GLI2: variants seen among roughly 807,000 people sequenced by gnomAD.
GLI2 encodes the protein GLI family zinc finger 2.
In GLI2, 22 loss-of-function variants were observed where a neutral mutation model predicts 78.9. The ratio of observed to expected loss-of-function variants is 0.28; its 90% CI spans 0.20 to 0.40. The LOEUF (loss-of-function observed/expected upper bound fraction) is 0.40, where lower values mean the gene tolerates loss of function less well. Ranked by LOEUF, GLI2 falls within the 10% of genes least tolerant of loss-of-function variation. GLI2 has a pLI of 1.00. For synonymous variants in GLI2, 974 were observed against 963.7 expected (o/e 1.01, Z -0.20); for missense variants, 2,097 against 2,213.2 (o/e 0.95, Z 1.05).
At chr2:120,847,761 C>CT (rs1553456274) in intron 2 of GLI2, among the ~76,000 whole-genome samples, 8 of 103,802 alleles carry the variant, frequency 7.7e-5, no homozygotes, top group African/African-American at 2.5e-4. Context: ...GGGGCAGGGG[C>CT]GGGGGGGCGG....
intron 2 of GLI2, among the ~76,000 whole-genome samples, chr2:120,845,102 G>A (rs778721172): frequency 6.6e-5 from 10 of 151,994 alleles, no homozygotes; most frequent in South Asian, 4.2e-4. Context: ...GTAAAACCTC[G>A]TCTCTACTAA....
chr2:120,835,057 T>C (rs1686543229), intron 2 of GLI2, among the ~76,000 whole-genome samples: 1 of 152,158 alleles, frequency 6.6e-6, no homozygotes, highest in South Asian at 2.1e-4. Flanking sequence ...AATTGACTGG[T>C]TTTTGACAAA....
Position 120,800,488 on chromosome 2 carries a change from A to ATTATTT in GLI2, c.148+3022_148+3027dup, listed in dbSNP as rs1684649251. ...AAAGGGATGATTTATTATTATTATT[A>ATTATTT]TTATTTTATTTTTTATTTTTATTTA... On this transcript the variant is annotated intron_variant, in intron 2 of 13. Transcript: ENST00000361492. The surrounding 1 kb of genome is among the most constrained non-coding windows in gnomAD (Gnocchi z 4.1). Among the ~76,000 whole-genome samples, 1 of 150,670 alleles carries ATTATTT rather than the reference A, an allele frequency of 6.6e-6. No individual in the cohort carries two copies. Among genetic ancestry groups the ATTATTT allele is most frequent in the Admixed American group, 6.6e-5 (1 of 15,118 alleles).
At chr2:120,857,663 C>A (rs1687724092) in intron 2 of GLI2, among the ~76,000 whole-genome samples, 1 of 152,132 alleles carries the variant, frequency 6.6e-6, no homozygotes. Flanking sequence ...ATTCATCCAC[C>A]CACCAGGCCA....
rs771240808 is a variant in GLI2 at position 120,927,392 on chromosome 2, G to C, written c.180G>C (p.Ala60=). 1.2e-6 allele frequency: 2 copies of C among 1,613,632 alleles called. No homozygotes were observed. Among genetic ancestry groups the C allele is most frequent in the Non-Finnish European group, 1.7e-6 (2 of 1,179,760 alleles). ...VPQHLLPPFH[A]PLPIDMRHQE... ...AGCATCTCTTGCCACCATTCCATGC[G>C]CCCCTACCGATTGACATGCGACACC... Residue 60 remains alanine, a synonymous_variant, in exon 3 of 14, where the codon GCG becomes GCC. Transcript: ENST00000361492.
chr2:120,907,841 G>A (rs2104803100), intron 2 of GLI2, among the ~76,000 whole-genome samples: 1 of 152,350 alleles, frequency 6.6e-6, no homozygotes, highest in South Asian at 2.1e-4. Context: ...CGTGCCCGCA[G>A]GGGAACTTGC....
At chr2:120,798,319 G>A (rs765503727) in intron 2 of GLI2, among the ~76,000 whole-genome samples, 2 of 152,174 alleles carry the variant, frequency 1.3e-5, no homozygotes, top group African/African-American at 2.4e-5. Flanking sequence ...TTGTTTTGGT[G>A]GAGACCCCGA....
chr2:120,758,064 T>C (rs2104641171), intron 1 of GLI2, among the ~76,000 whole-genome samples: 1 of 152,294 alleles, frequency 6.6e-6, no homozygotes, highest in African/African-American at 2.4e-5. Flanking sequence ...CTCACCCTGA[T>C]GTGTTTAAGA....
chr2:120,883,933 A>G (rs956275278), intron 2 of GLI2, among the ~76,000 whole-genome samples: 1 of 152,166 alleles, frequency 6.6e-6, no homozygotes, highest in Admixed American at 6.5e-5. Context: ...AGACCCCCGC[A>G]GCAGATGAGT....
rs1202144630 is a variant in GLI2, at chr2:120,988,387, G to C, written c.2422G>C (p.Gly808Arg). 1 of 1,572,330 alleles carries C rather than the reference G, an allele frequency of 6.4e-7. No individual in the cohort carries two copies. Among genetic ancestry groups the C allele is most frequent in the Non-Finnish European group, 8.6e-7 (1 of 1,169,076 alleles). ...CTACACCGTGAGCCGCCGCTCCTCC[G>C]GCATCTCCCCCTACTTCTCCAGCCG... Reference protein sequence around the residue: ...SAYTVSRRSSGISPYFSSRRS... With the variant: ...SAYTVSRRSSRISPYFSSRRS... The change falls in exon 14 of 14, where the codon GGC becomes CGC. Residue 808 changes from glycine to arginine, a missense_variant. This residue lies in a region of GLI2 where 1,290 missense variants were observed against 1,261.7 expected (regional missense o/e 1.02). Coordinates refer to ENST00000361492, the MANE Select transcript of GLI2 (RefSeq NM_001374353.1).
intron 2 of GLI2, among the ~76,000 whole-genome samples, chr2:120,875,679 C>T (rs541552166): frequency 2.6e-5 from 4 of 152,138 alleles, no homozygotes; most frequent in Middle Eastern, 3.2e-3. Context: ...CCTATAAATT[C>T]TGGGCGGTCA....
chr2:120,785,917 G>A (rs1267884124), intron 1 of GLI2, among the ~76,000 whole-genome samples: 1 of 152,342 alleles, frequency 6.6e-6, no homozygotes, highest in East Asian at 1.9e-4. Flanking sequence ...TGACAGCCCC[G>A]CTGCATCATT....
intron 2 of GLI2, among the ~76,000 whole-genome samples, chr2:120,898,274 CCAGA>C: frequency 6.6e-6 from 1 of 151,388 alleles, no homozygotes; most frequent in Non-Finnish European, 1.5e-5. Context: ...TATATTTTCC[CCAGA>C]CATTTACTGT....
Position 120,764,726 on chromosome 2 carries a change from G to A in GLI2, c.-31+28441G>A, listed in dbSNP as rs551787545. On this transcript the variant is annotated intron_variant, in intron 1 of 13. Coordinates refer to ENST00000361492, the MANE Select transcript of GLI2 (RefSeq NM_001374353.1). ...TGTGGTTTTTCCAGATGTTAAAAGTGCGTGTTGCTATTTCGAAGACTCTGA... is the reference window on the plus strand; with the variant it reads ...TGTGGTTTTTCCAGATGTTAAAAGTACGTGTTGCTATTTCGAAGACTCTGA... 7.2e-5 allele frequency among the ~76,000 whole-genome samples: 11 copies of A among 152,330 alleles called. No individual in the cohort carries two copies. The East Asian group carries it at 1.2e-3, about 16-fold the overall frequency.
intron 3 of GLI2, among the ~76,000 whole-genome samples, chr2:120,948,800 G>A (rs549195097): frequency 4.0e-4 from 61 of 152,180 alleles, no homozygotes; most frequent in Non-Finnish European, 7.6e-4. Flanking sequence ...AACAAGCCAC[G>A]TAGGGCCACC....
At position 120,968,711 on chromosome 2, in the gene GLI2, C is replaced by T. The variant is rs571962929; in HGVS notation, c.644-3C>T. ...GACCTGTCTTGTGTTGACTATCCCA[C>T]AGTGTCCCGTTTCTCCAGCCCGCGG... is the stretch of plus-strand genomic sequence containing the variant. On this transcript the variant is annotated splice_polypyrimidine_tract_variant and splice_region_variant and intron_variant, in intron 5 of 13. Coordinates refer to ENST00000361492, the MANE Select transcript of GLI2 (RefSeq NM_001374353.1). 7.5e-6 allele frequency: 12 copies of T among 1,610,594 alleles called. No individual in the cohort carries two copies. In the African/African-American group the frequency reaches 1.3e-4, roughly 18 times the overall value.
intron 2 of GLI2, among the ~76,000 whole-genome samples, chr2:120,883,579 G>A (rs900528385): frequency 1.3e-5 from 2 of 152,198 alleles, no homozygotes; most frequent in African/African-American, 2.4e-5. Context: ...TATTTGTAGA[G>A]CATTTGCTAC....
At chr2:120,803,520 C>T (rs1208853594) in intron 2 of GLI2, among the ~76,000 whole-genome samples, 3 of 152,218 alleles carry the variant, frequency 2.0e-5, no homozygotes, top group African/African-American at 7.2e-5. Context: ...TTGAGGCTGA[C>T]AGCAGGTGGG....
chr2:120,849,118 C>T (rs996135557), intron 2 of GLI2, among the ~76,000 whole-genome samples: 1 of 152,086 alleles, frequency 6.6e-6, no homozygotes, highest in Admixed American at 6.5e-5. Flanking sequence ...TTATATGAGG[C>T]CCCTAGGGTA....
Sources: gnomAD v4.1 joint callset for allele counts (sites outside exome capture counted in the v4.1 genomes callset) on GRCh38, gnomAD v4.1.1 for gene constraint, gnomAD v4.1.1 regional missense constraint, Gnocchi (gnomAD v3.1) non-coding constraint, MANE v1.5 for transcripts, NCBI Gene and HGNC (gene_info 2026-07-23, HGNC 2026-07-21) for gene names.